Variants in DPP10 observed in about 807,000 individuals in gnomAD.
The protein encoded by DPP10 is inactive dipeptidyl peptidase 10.
In DPP10, 33 loss-of-function variants were observed where a neutral mutation model predicts 120.9. That is an observed-to-expected ratio of 0.27 (90% CI 0.21 to 0.37). The LOEUF is 0.37. Among genes scored for constraint, DPP10 ranks in the 10% least tolerant of loss-of-function variants. The pLI is 1.00. For missense variants in DPP10, 816 were observed against 942.8 expected, an observed-to-expected ratio of 0.87 and a Z score of 1.76; for synonymous variants, 337 against 326.1, an observed-to-expected ratio of 1.03 and a Z score of -0.36.
At chr2:114,646,195 T>A (rs942357430) in intron 1 of DPP10, among the ~76,000 whole-genome samples, 17 of 144,530 alleles carry the variant, frequency 1.2e-4, no homozygotes, top group Admixed American at 1.0e-3. Context: ...AATAAATAAA[T>A]AAAAAGGGGG....
intron 3 of DPP10, among the ~76,000 whole-genome samples, chr2:115,375,931 A>G (rs1157347191): frequency 6.6e-6 from 1 of 152,224 alleles, no homozygotes; most frequent in African/African-American, 2.4e-5. Context: ...ACAATTTGAC[A>G]TGAGATTAAG....
chr2:115,445,498 C>A (rs772943037), intron 3 of DPP10, among the ~76,000 whole-genome samples: 1 of 152,128 alleles, frequency 6.6e-6, no homozygotes, highest in Non-Finnish European at 1.5e-5. Flanking sequence ...TGAACAGTTT[C>A]CTCAGAGATG....
At chr2:115,322,805 T>G (rs943458212) in intron 2 of DPP10, among the ~76,000 whole-genome samples, 3 of 152,228 alleles carry the variant, frequency 2.0e-5, no homozygotes, top group Admixed American at 2.0e-4. Flanking sequence ...ATCGTATTTG[T>G]AGTTTATTAA....
intron 1 of DPP10, among the ~76,000 whole-genome samples, chr2:114,977,340 GTTA>G (rs1699816892): frequency 6.6e-6 from 1 of 151,910 alleles, no homozygotes; most frequent in Admixed American, 6.6e-5. Flanking sequence ...TATTTACTTT[GTTA>G]TAATGTAAGT....
At chr2:115,221,346 T>C (rs148879638) in intron 1 of DPP10, among the ~76,000 whole-genome samples, 1 of 152,264 alleles carries the variant, frequency 6.6e-6, no homozygotes, top group African/African-American at 2.4e-5. Context: ...ATATGTTCCC[T>C]GTAGGAATTC....
chr2:115,102,220 T>G (rs2048723561), intron 1 of DPP10, among the ~76,000 whole-genome samples: 1 of 152,138 alleles, frequency 6.6e-6, no homozygotes, highest in Non-Finnish European at 1.5e-5. Flanking sequence ...GATAGAGAGC[T>G]CTGGTCCCTC....
At chr2:114,456,226 A>G (rs1263985939) in intron 1 of DPP10, among the ~76,000 whole-genome samples, 1 of 152,232 alleles carries the variant, frequency 6.6e-6, no homozygotes, top group Non-Finnish European at 1.5e-5. Flanking sequence ...AGAATCCAGA[A>G]AGCGCATCTA....
At chr2:115,232,655 C>T (rs2057795111) in intron 1 of DPP10, among the ~76,000 whole-genome samples, 1 of 152,258 alleles carries the variant, frequency 6.6e-6, no homozygotes, top group Admixed American at 6.5e-5. Flanking sequence ...TATCCTCACA[C>T]AAGGCAAGGG....
At chr2:115,732,552 TA>T (rs1427983544) in intron 8 of DPP10, among the ~76,000 whole-genome samples, 7 of 152,324 alleles carry the variant, frequency 4.6e-5, no homozygotes, top group Admixed American at 3.3e-4. Context: ...GTTATTCACT[TA>T]AATTGCTGTA....
intron 1 of DPP10, among the ~76,000 whole-genome samples, chr2:115,002,360 T>C (rs1701500258): frequency 6.6e-6 from 1 of 152,090 alleles, no homozygotes; most frequent in Non-Finnish European, 1.5e-5. Context: ...ATACCATATA[T>C]AACAATCAAT....
chr2:114,739,692 G>C (rs1408650556), intron 1 of DPP10, among the ~76,000 whole-genome samples: 1 of 151,984 alleles, frequency 6.6e-6, no homozygotes, highest in African/African-American at 2.4e-5. Context: ...ATATCTGTCA[G>C]TTTTACCTGC....
chr2:114,477,938 T>C (rs1002761743), intron 1 of DPP10, among the ~76,000 whole-genome samples: 4 of 151,056 alleles, frequency 2.6e-5, no homozygotes, highest in South Asian at 2.1e-4. Context: ...TACATATGTG[T>C]ATATATGTAC....
chr2:114,587,272 G>C (rs1691072000), intron 1 of DPP10, among the ~76,000 whole-genome samples: 1 of 137,724 alleles, frequency 7.3e-6, no homozygotes, highest in Non-Finnish European at 1.5e-5. Flanking sequence ...TTGCACTCCA[G>C]CCTGGGCAAT....
At chr2:114,534,980 T>C (rs1393101990) in intron 1 of DPP10, among the ~76,000 whole-genome samples, 1 of 152,204 alleles carries the variant, frequency 6.6e-6, no homozygotes, top group Non-Finnish European at 1.5e-5. Flanking sequence ...TGACTTGTAA[T>C]TTAACTTTCT....
intron 1 of DPP10, among the ~76,000 whole-genome samples, chr2:114,682,322 G>A (rs1488534222): frequency 6.6e-6 from 1 of 151,918 alleles, no homozygotes; most frequent in Non-Finnish European, 1.5e-5. Flanking sequence ...CATCTTCCAA[G>A]GATTCAAGTT....
intron 1 of DPP10, among the ~76,000 whole-genome samples, chr2:115,080,238 G>A (rs1434967369): frequency 6.6e-6 from 1 of 152,102 alleles, no homozygotes; most frequent in African/African-American, 2.4e-5. Flanking sequence ...GGCTGATCGT[G>A]AACTCCTGAC....
chr2:115,504,916 C>G (rs2076865498), intron 4 of DPP10, among the ~76,000 whole-genome samples: 1 of 152,114 alleles, frequency 6.6e-6, no homozygotes, highest in African/African-American at 2.4e-5. Context: ...CTTGTTGCTT[C>G]TATGTGTTTG....
chr2:115,297,361 G>T (rs1432070280), intron 1 of DPP10: 1 of 286,948 alleles, frequency 3.5e-6, no homozygotes, highest in South Asian at 2.8e-5. Flanking sequence ...ATTTTCTATC[G>T]CTCTACAATG....
intron 1 of DPP10, among the ~76,000 whole-genome samples, chr2:114,526,921 A>C (rs1685547697): frequency 6.6e-6 from 1 of 152,192 alleles, no homozygotes; most frequent in Non-Finnish European, 1.5e-5. Flanking sequence ...CTTAGTTTCA[A>C]ATAGTTACAC....
Sources: allele counts gnomAD v4.1 joint callset (sites outside exome capture counted in the v4.1 genomes callset), GRCh38; gene constraint gnomAD v4.1.1; transcripts MANE v1.5; gene names NCBI Gene and HGNC (gene_info 2026-07-23, HGNC 2026-07-21).